The following TAF6 variants were observed in gnomAD, a reference collection of about 807,000 sequenced individuals.
TAF6 encodes transcription initiation factor TFIID subunit 6.
TAF6 carries 50 observed loss-of-function variants against 73.5 expected under a neutral mutation model. The ratio of observed to expected loss-of-function variants is 0.68; its 90% CI spans 0.54 to 0.86. TAF6 has a LOEUF of 0.86. TAF6 is among the 40% of genes least tolerant of loss of function. The pLI is 0.00. For missense variants in TAF6, 768 were observed against 899.5 expected (o/e 0.85, Z 1.87); for synonymous variants, 424 against 376.7 (o/e 1.13, Z -1.45).
At chr7:100,108,330 G>T in intron 13 of TAF6, 37 bp downstream of exon 13, 1 of 1,570,748 alleles carries the variant, frequency 6.4e-7, no homozygotes. Flanking sequence ...GTTCTCCTCT[G>T]CTTCCTCCTA....
chr7:100,122,049 GAAAAAA>G (rs111511573), upstream of TAF6: 7 of 314,322 alleles, frequency 2.2e-5, no homozygotes, highest in Non-Finnish European at 4.0e-5. Flanking sequence ...GAGTCCGTCT[GAAAAAA>G]AAAAAAAAAA....
In TAF6 at chr7:100,107,154, A is replaced by T; in HGVS notation, c.*92T>A. 1 of 1,481,200 alleles carries T rather than the reference A, an allele frequency of 6.8e-7. No homozygotes were observed. The highest frequency in any genetic ancestry group is 9.0e-7 in the Non-Finnish European group (1 of 1,109,862). 91.8% of individuals were successfully genotyped at this position (1,481,200 alleles called of 1,614,324 possible). On this transcript the variant is annotated 3_prime_UTR_variant, in exon 15 of 15. Transcript: ENST00000453269. ...AAGTGACATGAAGGAAGCAATCTAC[A>T]ACTTCCTTCCGCTTAGCGAGCATGC... is the stretch of plus-strand genomic sequence containing the variant.
intron 6 of TAF6, 148 bp downstream of exon 6, chr7:100,112,650 G>C: frequency 8.5e-7 from 1 of 1,170,880 alleles, no homozygotes; most frequent in Non-Finnish European, 1.1e-6. Context: ...TGGAGGTGGA[G>C]GTTGCAGTGA....
At chr7:100,121,386 C>G (rs1198867882), upstream of TAF6, 3 of 151,602 alleles carry the variant, frequency 2.0e-5, no homozygotes, top group East Asian at 3.9e-4. Context: ...ATCCACCCAC[C>G]TCAGCCTCCC....
chr7:100,108,164 TAAG>T (rs754906865), intron 13 of TAF6, 41 bp from the exon 14 acceptor site: 577 of 1,555,620 alleles, frequency 3.7e-4, no homozygotes, highest in Non-Finnish European at 4.7e-4. Flanking sequence ...CACCATCTAC[TAAG>T]AAGAGGAGTC....
intron 1 of TAF6, among the ~76,000 whole-genome samples, chr7:100,117,264 G>T (rs767973675): frequency 7.0e-6 from 1 of 142,142 alleles, no homozygotes; most frequent in Non-Finnish European, 1.5e-5. Context: ...TCTAGACAGG[G>T]CTCTTTTTTT....
intron 1 of TAF6, chr7:100,118,468 T>C (rs1797867428): frequency 6.6e-6 from 1 of 151,578 alleles, no homozygotes; most frequent in South Asian, 2.1e-4. Flanking sequence ...GACAGCCTGG[T>C]CAACATAGTG....
chr7:100,122,746 T>C (rs1304525228), upstream of TAF6: 1 of 1,592,002 alleles, frequency 6.3e-7, no homozygotes, highest in Non-Finnish European at 8.6e-7. Context: ...AGGGGTGGGG[T>C]GGTGAGCTGG....
At chr7:100,122,668 C>T (rs1394945085), upstream of TAF6, 12 of 1,508,404 alleles carry the variant, frequency 8.0e-6, no homozygotes, top group Non-Finnish European at 1.1e-5. Context: ...CCCATCATCT[C>T]ACCATCATGG....
chr7:100,110,311 C>A, intron 10 of TAF6, 37 bp from the exon 11 acceptor site: 2 of 1,608,916 alleles, frequency 1.2e-6, no homozygotes, highest in South Asian at 2.2e-5. Flanking sequence ...ATGAAGGGGT[C>A]TGAAAGGATG....
chr7:100,109,925 G>A, intron 12 of TAF6, 23 bp downstream of exon 12: 1 of 1,613,160 alleles, frequency 6.2e-7, no homozygotes, highest in Middle Eastern at 1.7e-4. Flanking sequence ...GTGGGCAGGT[G>A]TGGGGACAGG....
chr7:100,112,281 A>G (rs371935831), intron 6 of TAF6, 28 bp from the exon 7 acceptor site: 8 of 1,603,748 alleles, frequency 5.0e-6, no homozygotes, highest in South Asian at 1.1e-5. Flanking sequence ...TGGGTCTGAC[A>G]AAGAAAGCTC....
chr7:100,108,087 G>A lies in TAF6; in HGVS notation c.1495C>T (p.Pro499Ser). Residue 499 changes from proline to serine, a missense_variant, in exon 14 of 15, where the codon CCT becomes TCT. Around this residue, in one of 5 missense-constraint regions of TAF6, gnomAD observed 350 missense variants for 352.3 expected, o/e 0.99. Coordinates refer to ENST00000453269, the MANE Select transcript of TAF6 (RefSeq NM_139315.3). ...PTLTLSQAPQ[P>S]GPRTPGLLKV... Reference sequence around the variant, plus strand: ...AGCAAGCCAGGGGTGCGAGGGCCAGGCTGTGGGGCCTGCGAGAGGGTCAGC... The same window carrying A: ...AGCAAGCCAGGGGTGCGAGGGCCAGACTGTGGGGCCTGCGAGAGGGTCAGC... The A allele has an allele frequency of 2.5e-6, 4 of 1,610,396 alleles. No homozygotes were observed. In the South Asian group the frequency reaches 3.3e-5, roughly 13 times the overall value.
At chr7:100,107,684 G>A in intron 14 of TAF6, 61 bp from the exon 15 acceptor site, 11 of 1,579,572 alleles carry the variant, frequency 7.0e-6, no homozygotes, top group Non-Finnish European at 9.4e-6. Context: ...CAGAGGCCTG[G>A]CGAGGACGCT....
upstream of TAF6, chr7:100,121,112 A>ATTTTTTTTTTTTTTTTTTT (rs1798040006): frequency 3.3e-5 from 1 of 30,718 alleles, no homozygotes; most frequent in Non-Finnish European, 5.8e-5. Flanking sequence ...ATATATATAT[A>ATTTTTTTTTTTTTTTTTTT]TATATTTTTT....
At chr7:100,114,735 C>T (rs938709304) in intron 1 of TAF6, among the ~76,000 whole-genome samples, 1 of 151,372 alleles carries the variant, frequency 6.6e-6, no homozygotes, top group Non-Finnish European at 1.5e-5. Flanking sequence ...AAAATCTGGA[C>T]TGGGCCTAGT....
At chr7:100,122,992 T>C (rs552609923), upstream of TAF6, 2 of 1,406,256 alleles carry the variant, frequency 1.4e-6, no homozygotes, top group African/African-American at 2.8e-5. Flanking sequence ...ATAGGGGATG[T>C]CTACCCCTAA....
chr7:100,127,042 G>C, the TAF6 span: 1 of 251,952 alleles, frequency 4.0e-6, no homozygotes, highest in East Asian at 7.9e-5. The surrounding 1 kb of genome is among the most constrained non-coding windows in gnomAD (Gnocchi z 4.6). Flanking sequence ...TTCGAGTGAG[G>C]CAAGACCTAG....
At chr7:100,122,612 C>CA (rs749277775), upstream of TAF6, 5 of 1,557,784 alleles carry the variant, frequency 3.2e-6, no homozygotes, top group African/African-American at 6.8e-5. Flanking sequence ...CCCCACTTCT[C>CA]AGATACAAAG....
Sources: gnomAD v4.1 joint callset for allele counts (sites outside exome capture counted in the v4.1 genomes callset) on GRCh38, gnomAD v4.1.1 for gene constraint, gnomAD v4.1.1 regional missense constraint, Gnocchi (gnomAD v3.1) non-coding constraint, MANE v1.5 for transcripts, NCBI Gene and HGNC (gene_info 2026-07-23, HGNC 2026-07-21) for gene names.